Variants in ZNF541 observed in about 807,000 individuals in gnomAD.
ZNF541 encodes zinc finger protein 541.
A neutral mutation model predicts 123.5 loss-of-function variants in ZNF541; 23 were observed. That is an observed-to-expected ratio of 0.19 (90% CI 0.13 to 0.26). The LOEUF is 0.26. ZNF541 is among the 10% of genes least tolerant of loss of function. The pLI is 1.00. For synonymous variants in ZNF541, 751 were observed against 754.5 expected, an observed-to-expected ratio of 1.00 and a Z score of 0.08; for missense variants, 1,612 against 1,789.9, an observed-to-expected ratio of 0.90 and a Z score of 1.79.
Position 47,540,954 on chromosome 19 carries a change from G to A in ZNF541, c.2404-3C>T, listed in dbSNP as rs374881770. ...GGGAGCCTGTAGATGTTTCCACCCT[G>A]AAGATGAAAATGCATCTGAACCAAC... On this transcript the variant is annotated splice_polypyrimidine_tract_variant and splice_region_variant and intron_variant, in intron 5 of 16. Coordinates refer to ENST00000391901, the MANE Select transcript of ZNF541 (RefSeq NM_001277075.3). 9.7e-5 allele frequency: 151 copies of A among 1,550,300 alleles called. No homozygotes were observed. The highest frequency in any genetic ancestry group is 1.3e-4 in the Non-Finnish European group (147 of 1,146,558).
chr19:47,543,872 G>A lies in ZNF541; in HGVS notation c.2403+254C>T, dbSNP rs116798013. On this transcript the variant is annotated intron_variant, in intron 5 of 16. Coordinates refer to ENST00000391901, the MANE Select transcript of ZNF541 (RefSeq NM_001277075.3). The stretch of plus-strand genomic sequence containing the variant: ...TTGCCTAGGCTGATCTCGAACTCCT[G>A]AGCTCAAGCAGTCTCCCCACTTCAG... 7.8e-3 allele frequency among the ~76,000 whole-genome samples: 1,180 copies of A among 152,108 alleles called. 13 individuals carry two copies. Among genetic ancestry groups the A allele is most frequent in the African/African-American group, 0.027 (1,107 of 41,492 alleles).
intron 2 of ZNF541, among the ~76,000 whole-genome samples, chr19:47,558,058 T>C (rs1339465096): frequency 6.6e-6 from 1 of 152,016 alleles, no homozygotes; most frequent in African/African-American, 2.4e-5. Context: ...CTCATAGTAC[T>C]GCAACTAGGA....
At chr19:47,549,101 G>T in intron 4 of ZNF541, 144 bp downstream of exon 4, 3 of 1,148,000 alleles carry the variant, frequency 2.6e-6, no homozygotes, top group Non-Finnish European at 3.6e-6. Context: ...CTGTGGCTGC[G>T]GCTGAGCAGA....
chr19:47,569,042 A>G (rs1393553586), intron 2 of ZNF541, among the ~76,000 whole-genome samples: 1 of 152,124 alleles, frequency 6.6e-6, no homozygotes, highest in Non-Finnish European at 1.5e-5. Context: ...AAATTGGATT[A>G]GTCATCAACA....
rs1337373328 is a variant in ZNF541 at position 47,540,214 on chromosome 19, C to T, written c.2584G>A (p.Asp862Asn). The change falls in exon 7 of 17, where the codon GAC (aspartate) becomes AAC (asparagine). Residue 862 changes from aspartate to asparagine, a missense_variant. Coordinates refer to ENST00000391901, the MANE Select transcript of ZNF541 (RefSeq NM_001277075.3). ...GLSSHMCFHSDQWPSPRGKQE... is the reference protein window; with the variant it reads ...GLSSHMCFHSNQWPSPRGKQE... ...TTCCCTCGAGGTGACGGCCACTGGT[C>T]GCTGTGAAAACACATGTGGCTGCTC... is the stretch of plus-strand genomic sequence containing the variant. The T allele has an allele frequency of 4.5e-6, 7 of 1,551,604 alleles. No individual in the cohort carries two copies. The highest frequency in any genetic ancestry group is 4.1e-5 in the African/African-American group (3 of 73,156).
intron 13 of ZNF541, 50 bp downstream of exon 13, chr19:47,529,527 C>G (rs1346584234): frequency 6.5e-7 from 1 of 1,538,456 alleles, no homozygotes; most frequent in East Asian, 2.4e-5. Context: ...CTGGCCGATT[C>G]ATAGGGGTCT....
chr19:47,560,763 C>G (rs561632021), intron 2 of ZNF541, among the ~76,000 whole-genome samples: 2 of 152,228 alleles, frequency 1.3e-5, no homozygotes, highest in East Asian at 3.9e-4. Context: ...AGCCTGCACA[C>G]ACATGTTTAT....
intron 8 of ZNF541, 129 bp downstream of exon 8, chr19:47,539,576 A>T: frequency 1.9e-6 from 2 of 1,060,854 alleles, no homozygotes; most frequent in Non-Finnish European, 2.5e-6. Flanking sequence ...TGCTGGGATT[A>T]CAGGCATGAG....
intron 2 of ZNF541, among the ~76,000 whole-genome samples, chr19:47,563,243 A>T (rs1206238154): frequency 6.6e-6 from 1 of 152,236 alleles, no homozygotes; most frequent in African/African-American, 2.4e-5. Context: ...TTAGAAGTGT[A>T]AATCAATGCA....
intron 13 of ZNF541, 117 bp from the exon 14 acceptor site, chr19:47,529,155 C>A: frequency 1.3e-6 from 1 of 761,578 alleles, no homozygotes; most frequent in South Asian, 1.7e-5. Context: ...AATTATGTGC[C>A]AATCTCATAA....
chr19:47,524,977 ATGT>A (rs1268573417), intron 14 of ZNF541, among the ~76,000 whole-genome samples: 4 of 152,212 alleles, frequency 2.6e-5, no homozygotes, highest in African/African-American at 7.2e-5. Flanking sequence ...CAGAAACTGA[ATGT>A]TGTTAGAATG....
chr19:47,548,284 A>C (rs1384350605), intron 4 of ZNF541, among the ~76,000 whole-genome samples: 1 of 151,404 alleles, frequency 6.6e-6, no homozygotes, highest in Non-Finnish European at 1.5e-5. Flanking sequence ...CTCTACTAAA[A>C]ATACAAAAAT....
intron 6 of ZNF541, among the ~76,000 whole-genome samples, chr19:47,540,680 T>A (rs1599992135): frequency 1.3e-5 from 2 of 152,108 alleles, no homozygotes; most frequent in African/African-American, 4.8e-5. Flanking sequence ...CCTCAAATGA[T>A]CCCCCTGCCT....
chr19:47,567,256 T>C (rs1054724503), intron 2 of ZNF541, among the ~76,000 whole-genome samples: 1 of 151,860 alleles, frequency 6.6e-6, no homozygotes, highest in South Asian at 2.1e-4. Context: ...GTTAAATTTA[T>C]TTATTTATTT....
intron 2 of ZNF541, among the ~76,000 whole-genome samples, chr19:47,563,203 C>T (rs1020005648): frequency 1.3e-5 from 2 of 152,172 alleles, no homozygotes; most frequent in African/African-American, 4.8e-5. Flanking sequence ...AACTCTGAGA[C>T]CCAACTGAGT....
At chr19:47,564,846 G>T (rs1275598228) in intron 2 of ZNF541, among the ~76,000 whole-genome samples, 1 of 152,150 alleles carries the variant, frequency 6.6e-6, no homozygotes, top group Non-Finnish European at 1.5e-5. Context: ...ATAAGAAAAA[G>T]ATACTTGCAC....
intron 12 of ZNF541, among the ~76,000 whole-genome samples, chr19:47,530,427 ACC>A (rs1303746683): frequency 7.0e-6 from 1 of 141,858 alleles, no homozygotes; most frequent in Admixed American, 7.4e-5. Flanking sequence ...CAGGTGATCC[ACC>A]CCCGCCTTGG....
chr19:47,540,087 T>G, intron 7 of ZNF541, 89 bp downstream of exon 7: 6 of 1,466,392 alleles, frequency 4.1e-6, no homozygotes, highest in Non-Finnish European at 5.4e-6. Flanking sequence ...GACGTCCCCA[T>G]CCTGAGATAA....
chr19:47,569,368 T>C (rs970993667), intron 2 of ZNF541, among the ~76,000 whole-genome samples: 1 of 152,166 alleles, frequency 6.6e-6, no homozygotes, highest in Admixed American at 6.6e-5. Context: ...AGGCATATAC[T>C]GTATTATTAA....
Sources: gnomAD v4.1 joint callset for allele counts (sites outside exome capture counted in the v4.1 genomes callset) on GRCh38, gnomAD v4.1.1 for gene constraint, MANE v1.5 for transcripts, NCBI Gene and HGNC (gene_info 2026-07-23, HGNC 2026-07-21) for gene names.